TMEM38B: variants seen among roughly 807,000 people sequenced by gnomAD.
The protein encoded by TMEM38B is trimeric intracellular cation channel type B.
A neutral mutation model predicts 28.7 loss-of-function variants in TMEM38B; 24 were observed. The observed-to-expected ratio is 0.84, with a 90% CI of 0.61 to 1.18. The LOEUF is 1.18. TMEM38B is among the 50% of genes most tolerant of loss of function. TMEM38B has a pLI of 0.00. For synonymous variants in TMEM38B, 131 were observed against 127.7 expected, an observed-to-expected ratio of 1.03 and a Z score of -0.17; for missense variants, 380 against 350.9, an observed-to-expected ratio of 1.08 and a Z score of -0.66.
chr9:105,740,626 TATTGCTGCCAGTTC>T (rs1047305695), intron 4 of TMEM38B, among the ~76,000 whole-genome samples: 1 of 152,152 alleles, frequency 6.6e-6, no homozygotes, highest in African/African-American at 2.4e-5. Flanking sequence ...TCATATTGCT[TATTGCTGCCAGTTC>T]ATTTAATGAA....
In TMEM38B at chr9:105,705,583, C is replaced by T. The variant is rs1835626198; in HGVS notation, c.113-14C>T. The T allele has an allele frequency of 1.2e-6, 2 of 1,608,616 alleles. No homozygotes were observed. The highest frequency in any genetic ancestry group is 1.7e-6 in the Non-Finnish European group (2 of 1,176,608). On this transcript the variant is annotated splice_polypyrimidine_tract_variant and intron_variant, in intron 1 of 5. Coordinates refer to ENST00000374692, the MANE Select transcript of TMEM38B (RefSeq NM_018112.3). ...TATAATGATCACAGACCATATTTTA[C>T]TTTACCATTTCAGGAGCAGCTGCAT...
At chr9:105,717,662 A>T (rs13285798) in intron 2 of TMEM38B, among the ~76,000 whole-genome samples, 4 of 142,094 alleles carry the variant, frequency 2.8e-5, no homozygotes, top group African/African-American at 8.1e-5. Context: ...AAAACTACAT[A>T]AAAAAGCTAA....
chr9:105,759,617 A>G, intron 5 of TMEM38B: 1 of 1,578,110 alleles, frequency 6.3e-7, no homozygotes, highest in Non-Finnish European at 8.7e-7. Context: ...AATTCAAGTA[A>G]AGAGGCATCC....
intron 4 of TMEM38B, among the ~76,000 whole-genome samples, chr9:105,742,455 A>G (rs377698967): frequency 1.3e-4 from 20 of 152,340 alleles, no homozygotes; most frequent in African/African-American, 3.1e-4. Context: ...TGGAATGGCA[A>G]TATCTTTAAC....
intron 5 of TMEM38B, among the ~76,000 whole-genome samples, chr9:105,772,505 T>C (rs915397177): frequency 1.3e-5 from 2 of 152,160 alleles, no homozygotes; most frequent in Non-Finnish European, 2.9e-5. Context: ...TCTTGAATAG[T>C]AGCCCCATCA....
At chr9:105,710,749 G>A (rs1835870693) in intron 2 of TMEM38B, 1 of 585,712 alleles carries the variant, frequency 1.7e-6, no homozygotes, top group Non-Finnish European at 3.3e-6. Context: ...GACAAACAGA[G>A]ACATGTTGGG....
At chr9:105,748,041 A>G in intron 4 of TMEM38B, 32 bp from the exon 5 acceptor site, 1 of 1,408,800 alleles carries the variant, frequency 7.1e-7, no homozygotes, top group Non-Finnish European at 1.0e-6. Context: ...CATATTTATT[A>G]CTTGCTGATT....
At chr9:105,702,032 T>G (rs977905997) in intron 1 of TMEM38B, among the ~76,000 whole-genome samples, 1 of 152,054 alleles carries the variant, frequency 6.6e-6, no homozygotes, top group Non-Finnish European at 1.5e-5. Flanking sequence ...CTGGCCAACA[T>G]AGTGAGACCC....
intron 4 of TMEM38B, among the ~76,000 whole-genome samples, chr9:105,731,263 T>C (rs1463308550): frequency 6.6e-6 from 1 of 151,870 alleles, no homozygotes; most frequent in East Asian, 1.9e-4. Context: ...TGGTACGTTG[T>C]AGCTTTGTTC....
chr9:105,739,415 C>CA (rs199831428), intron 4 of TMEM38B, among the ~76,000 whole-genome samples: 1,648 of 149,904 alleles, frequency 0.011, 31 homozygotes, highest in African/African-American at 0.034. Flanking sequence ...TTCTGCAAAA[C>CA]AAAAAAAAGT....
intron 5 of TMEM38B, among the ~76,000 whole-genome samples, chr9:105,753,850 A>G (rs1837740464): frequency 6.6e-6 from 1 of 152,236 alleles, no homozygotes; most frequent in Non-Finnish European, 1.5e-5. Context: ...TAGAGGCCCC[A>G]ATTTAAAGAC....
At chr9:105,716,844 C>T (rs577857497) in intron 2 of TMEM38B, among the ~76,000 whole-genome samples, 4 of 152,110 alleles carry the variant, frequency 2.6e-5, no homozygotes, top group East Asian at 1.9e-4. Context: ...AAGAATACAT[C>T]AGGGACAGGT....
chr9:105,762,922 G>T (rs1212823779), intron 5 of TMEM38B, among the ~76,000 whole-genome samples: 4 of 138,904 alleles, frequency 2.9e-5, no homozygotes, highest in East Asian at 2.3e-4. Context: ...AGCACCTGTT[G>T]TTTCCTGACT....
At chr9:105,704,481 C>CT (rs201856350) in intron 1 of TMEM38B, among the ~76,000 whole-genome samples, 7 of 151,658 alleles carry the variant, frequency 4.6e-5, no homozygotes, top group South Asian at 2.1e-4. Flanking sequence ...TTTTATTGGC[C>CT]TTTTTTTTGG....
At chr9:105,750,885 G>A (rs1215216607) in intron 5 of TMEM38B, among the ~76,000 whole-genome samples, 1 of 152,142 alleles carries the variant, frequency 6.6e-6, no homozygotes, top group African/African-American at 2.4e-5. Context: ...ACTATTTATT[G>A]TAAAAACCGT....
At chr9:105,746,178 G>A (rs890904246) in intron 4 of TMEM38B, among the ~76,000 whole-genome samples, 1 of 152,048 alleles carries the variant, frequency 6.6e-6, no homozygotes, top group African/African-American at 2.4e-5. Context: ...GGGCAGTATG[G>A]CCATTTTCAC....
Position 105,705,902 on chromosome 9 carries a change from G to A in TMEM38B, c.269+149G>A, listed in dbSNP as rs944483345. ...GAAGGAACCCAAATAATGCTAAGGG[G>A]TTTTTTTTTTTTTTTTGAGACGGAG... On this transcript the variant is annotated intron_variant, in intron 2 of 5. Coordinates refer to ENST00000374692, the MANE Select transcript of TMEM38B (RefSeq NM_018112.3). The A allele has an allele frequency of 8.7e-4, 430 of 494,050 alleles. 2 individuals are homozygous for A. The highest frequency in any genetic ancestry group is 1.9e-3 in the Middle Eastern group (3 of 1,600). 30.6% of individuals were successfully genotyped at this position (494,050 alleles called of 1,614,324 possible).
intron 2 of TMEM38B, among the ~76,000 whole-genome samples, chr9:105,710,110 G>A (rs568878851): frequency 2.0e-5 from 3 of 152,212 alleles, no homozygotes; most frequent in East Asian, 1.9e-4. Context: ...TGTAGTTTTC[G>A]ATAACATTCT....
intron 1 of TMEM38B, among the ~76,000 whole-genome samples, chr9:105,703,312 C>CT (rs1389444929): frequency 2.6e-5 from 4 of 152,204 alleles, no homozygotes; most frequent in Non-Finnish European, 5.9e-5. Context: ...TGGTGGAACT[C>CT]TGTCTCTACT....
Sources: gnomAD v4.1 joint callset for allele counts (sites outside exome capture counted in the v4.1 genomes callset) on GRCh38, gnomAD v4.1.1 for gene constraint, MANE v1.5 for transcripts, NCBI Gene and HGNC (gene_info 2026-07-23, HGNC 2026-07-21) for gene names.